Variants in HHIPL1 observed in about 807,000 individuals in gnomAD.
HHIPL1 encodes the protein HHIP-like protein 1.
HHIPL1 carries 43 observed loss-of-function variants against 61.8 expected under a neutral mutation model. That is an observed-to-expected ratio of 0.70 (90% CI 0.55 to 0.90). HHIPL1 has a LOEUF of 0.90. HHIPL1 is among the 40% of genes least tolerant of loss of function. HHIPL1 has a pLI of 0.00. For synonymous variants in HHIPL1, 482 were observed against 515.8 expected, an observed-to-expected ratio of 0.93 and a Z score of 0.89; for missense variants, 1,056 against 1,157.7, an observed-to-expected ratio of 0.91 and a Z score of 1.28.
Position 99,668,348 on chromosome 14 carries a change from G to T in HHIPL1, c.1730+45G>T. The T allele has an allele frequency of 1.7e-6, 2 of 1,168,976 alleles. No individual in the cohort carries two copies. The allele number at this position is 1,168,976 out of a possible 1,614,324, so 72.4% of individuals were successfully genotyped here. On this transcript the variant is annotated intron_variant, in intron 7 of 8. Transcript: ENST00000330710. The surrounding 1 kb of genome is among the most constrained non-coding windows in gnomAD (Gnocchi z 4.7). ...ACAGGGAGCTCCTGCTGTCTGTCAG[G>T]CCTCTTAGCTCCACGGGCTTGTCCC... is the stretch of plus-strand genomic sequence containing the variant.
At chr14:99,629,536 C>T in the HHIPL1 span, among the ~76,000 whole-genome samples, 8 of 151,766 alleles carry the variant, frequency 5.3e-5, no homozygotes, top group African/African-American at 9.7e-5. Context: ...GAGTCTCTGT[C>T]GCCCAGGCTG....
intron 1 of HHIPL1, 136 bp from the exon 2 acceptor site, chr14:99,652,088 G>GT (rs1278585805): frequency 1.3e-6 from 1 of 754,214 alleles, no homozygotes; most frequent in African/African-American, 1.8e-5. Flanking sequence ...GCTTATCGTG[G>GT]TAACAGGCAG....
chr14:99,633,129 G>A, the HHIPL1 span, among the ~76,000 whole-genome samples: 1 of 152,136 alleles, frequency 6.6e-6, no homozygotes, highest in African/African-American at 2.4e-5. Flanking sequence ...GGGGAAGGCA[G>A]CTGCCATTCA....
At chr14:99,656,805 A>C (rs2056038948) in intron 2 of HHIPL1, among the ~76,000 whole-genome samples, 195 bp from the exon 3 acceptor site, 1 of 2,380 alleles carries the variant, frequency 4.2e-4, no homozygotes. Flanking sequence ...GAAAGAAAGA[A>C]AGAAAGAAAG....
chr14:99,647,555 G>T (rs930519097), intron 1 of HHIPL1, among the ~76,000 whole-genome samples: 3 of 152,256 alleles, frequency 2.0e-5, no homozygotes, highest in African/African-American at 7.2e-5. Context: ...GTTAGCAGGA[G>T]TGACCACTAA....
Position 99,652,356 on chromosome 14 carries a change from T to C in HHIPL1, c.388T>C (p.Ser130Pro). The change falls in exon 2 of 9, where the codon TCA (serine) becomes CCA (proline). Residue 130 changes from serine to proline, a missense_variant. Physicochemically the swap from Ser to Pro is moderately conservative, Grantham distance 74 (BLOSUM62 -1). Coordinates refer to ENST00000330710, the MANE Select transcript of HHIPL1 (RefSeq NM_001127258.3). The part of the protein sequence containing the change: ...HKCRGLFRHL[S>P]TDQELWALEG... ...GTGCCGGGGGCTGTTCCGTCACCTG[T>C]CAACTGACCAGGAGCTCTGGGCGCT... The C allele has an allele frequency of 3.1e-6, 5 of 1,614,170 alleles. No individual in the cohort carries two copies. The highest frequency in any genetic ancestry group is 2.2e-5 in the South Asian group (2 of 91,084).
intron 2 of HHIPL1, among the ~76,000 whole-genome samples, chr14:99,654,578 G>T (rs996613104): frequency 6.6e-6 from 1 of 152,216 alleles, no homozygotes; most frequent in African/African-American, 2.4e-5. Context: ...AGGAGGTAGG[G>T]GGAGGGCCAG....
the HHIPL1 span, among the ~76,000 whole-genome samples, chr14:99,607,144 CA>C: frequency 2.0e-5 from 3 of 150,748 alleles, no homozygotes; most frequent in Non-Finnish European, 4.4e-5. Flanking sequence ...GAGATCCTCC[CA>C]CCTCAGCCTC....
rs1326062837 is a variant in HHIPL1 at position 99,668,269 on chromosome 14, C to G, written c.1696C>G (p.Arg566Gly). ...STGEPSATAPRGVVYKIIDAS... is the reference protein window; with the variant it reads ...STGEPSATAPGGVVYKIIDAS... ...AGGGGAGCCGAGTGCCACAGCTCCA[C>G]GCGGAGTTGTCTACAAAATAATTGA... Residue 566 changes from arginine to glycine, a missense_variant, in exon 7 of 9, where the codon CGC becomes GGC. Arg to Gly is a moderately radical substitution (Grantham distance 125). Coordinates refer to ENST00000330710, the MANE Select transcript of HHIPL1 (RefSeq NM_001127258.3). The surrounding 1 kb of genome is among the most constrained non-coding windows in gnomAD (Gnocchi z 4.7). 6.2e-7 allele frequency: 1 copy of G among 1,612,658 alleles called. No homozygotes were observed. The highest frequency in any genetic ancestry group is 2.2e-5 in the East Asian group (1 of 44,884).
chr14:99,662,775 A>AG, intron 5 of HHIPL1, 101 bp from the exon 6 acceptor site: 2 of 1,080,588 alleles, frequency 1.9e-6, no homozygotes, highest in Non-Finnish European at 2.7e-6. Flanking sequence ...GAAGGGAGGG[A>AG]GGAATGGATA....
chr14:99,638,009 G>A, the HHIPL1 span, among the ~76,000 whole-genome samples: 90 of 152,348 alleles, frequency 5.9e-4, no homozygotes, highest in South Asian at 1.4e-3. Flanking sequence ...GACACCTAAA[G>A]GGAGCGTGGT....
rs201689194 is a variant in HHIPL1, at chr14:99,668,796, C to T, written c.1730+493C>T. 3.1e-6 allele frequency: 5 copies of T among 1,609,912 alleles called. No individual in the cohort carries two copies. Among genetic ancestry groups the T allele is most frequent in the African/African-American group, 1.3e-5 (1 of 75,030 alleles). On this transcript the variant is annotated intron_variant, in intron 7 of 8. Transcript: ENST00000330710. The surrounding 1 kb of genome is among the most constrained non-coding windows in gnomAD (Gnocchi z 4.7). ...CACTGGGGAAAACACATTGGGGCTC[C>T]CTTCGCCGGCTCCATCTCCCCGGCT...
chr14:99,643,302 A>C (rs2055777174), upstream of HHIPL1, among the ~76,000 whole-genome samples: 1 of 152,104 alleles, frequency 6.6e-6, no homozygotes, highest in Admixed American at 6.5e-5. Flanking sequence ...AGCCTCCCAA[A>C]GTTCTGGGAT....
chr14:99,633,288 C>T, the HHIPL1 span, among the ~76,000 whole-genome samples: 1 of 152,360 alleles, frequency 6.6e-6, no homozygotes, highest in East Asian at 1.9e-4. Flanking sequence ...CCCCTGCACA[C>T]CTTTGCCTTT....
chr14:99,632,911 T>G, the HHIPL1 span, among the ~76,000 whole-genome samples: 1 of 151,780 alleles, frequency 6.6e-6, no homozygotes, highest in East Asian at 1.9e-4. Context: ...AACAGAGAGA[T>G]AGACTATTTG....
chr14:99,669,552 G>A (rs1008565769), intron 7 of HHIPL1, among the ~76,000 whole-genome samples: 12 of 152,090 alleles, frequency 7.9e-5, no homozygotes, highest in African/African-American at 2.2e-4. Flanking sequence ...AGTCCAGCCC[G>A]GGCAACACAG....
At chr14:99,644,979 A>C, upstream of HHIPL1, 3 of 378,646 alleles carry the variant, frequency 7.9e-6, no homozygotes, top group Non-Finnish European at 9.2e-6. Context: ...CTCCCATCGA[A>C]TTTGGAAAGC....
chr14:99,666,234 G>A (rs559523801), intron 6 of HHIPL1, among the ~76,000 whole-genome samples: 28 of 152,314 alleles, frequency 1.8e-4, no homozygotes, highest in African/African-American at 5.8e-4. Context: ...ATGGCACCTC[G>A]GGGGAGAACA....
At chr14:99,672,681 G>A (rs1287361920) in intron 8 of HHIPL1, among the ~76,000 whole-genome samples, 2 of 152,132 alleles carry the variant, frequency 1.3e-5, no homozygotes, top group Non-Finnish European at 2.9e-5. Context: ...GACAGAGAAA[G>A]AGGATGTATC....
Sources: gnomAD v4.1 joint callset for allele counts (sites outside exome capture counted in the v4.1 genomes callset) on GRCh38, gnomAD v4.1.1 for gene constraint, Gnocchi (gnomAD v3.1) non-coding constraint, MANE v1.5 for transcripts, NCBI Gene and HGNC (gene_info 2026-07-23, HGNC 2026-07-21) for gene names.